Variants in IST1 observed in about 807,000 individuals in gnomAD.
IST1 encodes IST1 homolog.
Under a neutral mutation model 37.0 loss-of-function variants are expected in IST1, and 23 were observed. The ratio of observed to expected loss-of-function variants is 0.62; its 90% CI spans 0.45 to 0.88. The LOEUF is 0.88. IST1 is among the 40% of genes least tolerant of loss of function. The probability of loss-of-function intolerance (pLI) is 0.00; values close to 1 mark genes in which losing one functional copy is unlikely to be tolerated. For missense variants in IST1, 488 were observed against 445.4 expected (o/e 1.10, Z -0.86); for synonymous variants, 180 against 161.7 (o/e 1.11, Z -0.86).
intron 9 of IST1, 135 bp from the exon 10 acceptor site, chr16:71,927,472 GAGGGAGA>G: frequency 1.5e-6 from 1 of 651,432 alleles, no homozygotes; most frequent in East Asian, 2.6e-5. Flanking sequence ...CTGGGTGACA[GAGGGAGA>G]CTGTCTCAAA....
intron 4 of IST1, among the ~76,000 whole-genome samples, chr16:71,920,515 A>G (rs1039363032): frequency 6.6e-6 from 1 of 152,190 alleles, no homozygotes; most frequent in Non-Finnish European, 1.5e-5. Flanking sequence ...TTTTATTTAT[A>G]TTGTATAATA....
In IST1 at chr16:71,920,560, TTGGA is replaced by T. The variant is rs140935789; in HGVS notation, c.358-160_358-157del. ...GTGTTTGGCACTCGAGTGCTGCTCA[TTGGA>T]TGGATGGATGGATGGATGAACAAAT... On this transcript the variant is annotated intron_variant, in intron 4 of 9. Transcript: ENST00000378799. 3.9e-4 allele frequency among the ~76,000 whole-genome samples: 60 copies of T among 152,242 alleles called. No homozygotes were observed. The South Asian group carries it at 9.3e-3, about 24-fold the overall frequency.
chr16:71,917,479 C>T (rs1250863308), intron 4 of IST1, among the ~76,000 whole-genome samples: 3 of 152,064 alleles, frequency 2.0e-5, no homozygotes, highest in Admixed American at 2.0e-4. Flanking sequence ...TTTATTAATT[C>T]CACAAATATT....
At chr16:71,922,050 T>A (rs1053293528) in intron 6 of IST1, among the ~76,000 whole-genome samples, 2 of 152,030 alleles carry the variant, frequency 1.3e-5, no homozygotes, top group East Asian at 3.9e-4. Flanking sequence ...GGCAGGAGAA[T>A]GGCTTGAACC....
chr16:71,910,605 CAAAAAAAA>C (rs200536197), intron 1 of IST1, among the ~76,000 whole-genome samples: 1 of 91,216 alleles, frequency 1.1e-5, no homozygotes, highest in Admixed American at 1.2e-4. Flanking sequence ...GACTCTGTCT[CAAAAAAAA>C]AAAAAGAAAA....
intron 1 of IST1, among the ~76,000 whole-genome samples, chr16:71,910,705 TGGATAAGG>T (rs1426182067): frequency 6.6e-6 from 1 of 152,108 alleles, no homozygotes; most frequent in Non-Finnish European, 1.5e-5. Context: ...ACGTAACCCT[TGGATAAGG>T]GGGTACTACT....
intron 4 of IST1, among the ~76,000 whole-genome samples, chr16:71,920,401 T>A (rs928569104): frequency 1.3e-5 from 2 of 151,730 alleles, no homozygotes; most frequent in African/African-American, 4.9e-5. Flanking sequence ...CTAACACTTA[T>A]GATTTATTCT....
In IST1 at chr16:71,927,599, C is replaced by A. The variant is rs776624638; in HGVS notation, c.902-15C>A. The A allele has an allele frequency of 1.3e-6, 2 of 1,593,762 alleles. No homozygotes were observed. The highest frequency in any genetic ancestry group is 8.6e-7 in the Non-Finnish European group (1 of 1,161,736). On this transcript the variant is annotated splice_polypyrimidine_tract_variant and intron_variant, in intron 9 of 9. Coordinates refer to ENST00000378799, the MANE Select transcript of IST1 (RefSeq NM_001270975.2). The stretch of plus-strand genomic sequence containing the variant: ...TCTCTGGTATTTGTAACGTTGTGCT[C>A]CTTGCCCTAATTAGGTCCTGGACCC...
At chr16:71,917,006 T>A (rs1359762246) in intron 3 of IST1, 41 bp from the exon 4 acceptor site, 1 of 1,341,098 alleles carries the variant, frequency 7.5e-7, no homozygotes. Context: ...TTTTGTTGGT[T>A]TGTTTTAAAG....
At position 71,930,085 on chromosome 16, in the gene IST1, G is replaced by T; in HGVS notation, c.*2272G>T. On this transcript the variant is annotated 3_prime_UTR_variant, in exon 10 of 10. Coordinates refer to ENST00000378799, the MANE Select transcript of IST1 (RefSeq NM_001270975.2). ...ACTTTCTTTCTTTTCCAAAGGCCATGAGAATGGCCGAAACGAAAAGATTAA... is the reference window on the plus strand; with the variant it reads ...ACTTTCTTTCTTTTCCAAAGGCCATTAGAATGGCCGAAACGAAAAGATTAA... 1 of 1,551,486 alleles carries T rather than the reference G, an allele frequency of 6.4e-7. No homozygotes were observed. Among genetic ancestry groups the T allele is most frequent in the Non-Finnish European group, 8.7e-7 (1 of 1,146,884 alleles).
intron 5 of IST1, chr16:71,921,112 G>T: frequency 1.7e-6 from 1 of 597,052 alleles, no homozygotes; most frequent in East Asian, 2.8e-5. Context: ...ACTGTGGAAG[G>T]CAGCAGTATC....
intron 1 of IST1, among the ~76,000 whole-genome samples, chr16:71,907,181 T>C (rs2037242106): frequency 7.9e-6 from 1 of 125,946 alleles, no homozygotes; most frequent in African/African-American, 3.1e-5. Context: ...GCAGTATTTT[T>C]TCTTTCTTTT....
intron 1 of IST1, among the ~76,000 whole-genome samples, chr16:71,897,601 T>A (rs1173464544): frequency 6.6e-6 from 1 of 152,222 alleles, no homozygotes; most frequent in Non-Finnish European, 1.5e-5. Flanking sequence ...ATTTCAGCAT[T>A]ACTTATATGG....
At chr16:71,924,149 A>G (rs7197486) in intron 8 of IST1, 108,246 of 455,732 alleles carry the variant, frequency 0.24, 14,000 homozygotes, top group Middle Eastern at 0.32. Context: ...CATGCGTCAC[A>G]TAACCCACAG....
intron 7 of IST1, chr16:71,923,066 C>G (rs1156717347): frequency 2.5e-5 from 12 of 475,060 alleles, no homozygotes; most frequent in Non-Finnish European, 3.3e-5. Flanking sequence ...CTTGTAAACA[C>G]TGAAGCACTT....
At chr16:71,900,566 G>C (rs75233370) in intron 1 of IST1, among the ~76,000 whole-genome samples, 1,682 of 152,064 alleles carry the variant, frequency 0.011, 24 homozygotes, top group African/African-American at 0.037. Context: ...GAACTAGATG[G>C]GTTTGCTATG....
Position 71,916,565 on chromosome 16 carries a change from C to T in IST1, c.192C>T (p.Tyr64=), listed in dbSNP as rs755458391. ...IRVEHIIRED[Y]LVEAMEILEL... Reference sequence around the variant, plus strand: ...TGGAGCACATTATCCGGGAAGACTACCTCGTGGAGGCCATGGAGATCCTGG... The same window carrying T: ...TGGAGCACATTATCCGGGAAGACTATCTCGTGGAGGCCATGGAGATCCTGG... The change falls in exon 3 of 10, where the codon TAC becomes TAT. Residue 64 remains tyrosine (Y), a synonymous_variant. Coordinates refer to ENST00000378799, the MANE Select transcript of IST1 (RefSeq NM_001270975.2). 2.5e-6 allele frequency: 4 copies of T among 1,614,026 alleles called. No individual in the cohort carries two copies. Among genetic ancestry groups the T allele is most frequent in the Non-Finnish European group, 2.5e-6 (3 of 1,179,896 alleles).
intron 6 of IST1, chr16:71,921,734 C>A: frequency 3.0e-6 from 1 of 335,162 alleles, no homozygotes; most frequent in South Asian, 3.4e-5. Context: ...ACCTCCTGTT[C>A]ATAGCAAGAA....
chr16:71,900,444 C>T (rs565149631), intron 1 of IST1, among the ~76,000 whole-genome samples: 1 of 141,728 alleles, frequency 7.1e-6, no homozygotes, highest in African/African-American at 2.7e-5. Context: ...TGATTCTTTT[C>T]CTCCTCCAGA....
Sources: gnomAD v4.1 joint callset for allele counts (sites outside exome capture counted in the v4.1 genomes callset) on GRCh38, gnomAD v4.1.1 for gene constraint, MANE v1.5 for transcripts, NCBI Gene and HGNC (gene_info 2026-07-23, HGNC 2026-07-21) for gene names.